The following RGS6 variants were observed in gnomAD, a reference collection of about 807,000 sequenced individuals.
RGS6 encodes the protein regulator of G-protein signaling 6.
In RGS6, 30 loss-of-function variants were observed where a neutral mutation model predicts 78.5. The observed-to-expected ratio is 0.38, with a 90% CI of 0.29 to 0.52. The LOEUF is 0.52. Among genes scored for constraint, RGS6 ranks in the 20% least tolerant of loss-of-function variants. The probability of loss-of-function intolerance (pLI) is 0.85; values close to 1 mark genes in which losing one functional copy is unlikely to be tolerated. For synonymous variants in RGS6, 206 were observed against 206.0 expected, an observed-to-expected ratio of 1.00 and a Z score of 0.00; for missense variants, 495 against 609.7, an observed-to-expected ratio of 0.81 and a Z score of 1.98.
At chr14:71,887,015 T>C in the RGS6 span, among the ~76,000 whole-genome samples, 7 of 152,106 alleles carry the variant, frequency 4.6e-5, no homozygotes, top group African/African-American at 1.7e-4. Context: ...TCAGGCATGT[T>C]GGTGGGCACC....
the RGS6 span, among the ~76,000 whole-genome samples, chr14:72,625,719 T>C: frequency 6.6e-6 from 1 of 152,240 alleles, no homozygotes; most frequent in Admixed American, 6.5e-5. Context: ...TGTACACATA[T>C]GGCTAGATAT....
intron 2 of RGS6, among the ~76,000 whole-genome samples, chr14:72,183,515 C>T (rs572023729): frequency 4.6e-5 from 7 of 152,288 alleles, no homozygotes; most frequent in African/African-American, 1.4e-4. Flanking sequence ...TGATCATTGA[C>T]TCACTGAGAA....
chr14:72,345,351 G>C (rs1404030354), intron 2 of RGS6, among the ~76,000 whole-genome samples: 1 of 152,170 alleles, frequency 6.6e-6, no homozygotes, highest in Non-Finnish European at 1.5e-5. Context: ...TTTTTTTGTT[G>C]TGGTTACTTT....
the RGS6 span, among the ~76,000 whole-genome samples, chr14:71,868,461 G>T: frequency 5.3e-5 from 8 of 152,072 alleles, no homozygotes; most frequent in Non-Finnish European, 1.2e-4. Context: ...TCCTATATGG[G>T]ATTCCTCTTC....
At chr14:71,999,748 C>CCATGAGCTCTGGTTGTTTAAAAGTGTG (rs1555425212) in intron 2 of RGS6, among the ~76,000 whole-genome samples, 47 of 152,000 alleles carry the variant, frequency 3.1e-4, no homozygotes, top group Admixed American at 6.6e-4. Flanking sequence ...TGTGAATTGC[C>CCATGAGCTCTGGTTGTTTAAAAGTGTG]TAGCTCCCCC....
intron 3 of RGS6, among the ~76,000 whole-genome samples, chr14:72,368,949 A>C (rs1253348382): frequency 6.6e-6 from 1 of 152,176 alleles, no homozygotes; most frequent in South Asian, 2.1e-4. Context: ...CAGGGTGTCT[A>C]ATCTTTTGAC....
Position 72,414,965 on chromosome 14 carries a change from G to C in RGS6, c.185-39563G>C, listed in dbSNP as rs59042247. Among the ~76,000 whole-genome samples the C allele has an allele frequency of 8.1e-3, 1,228 of 152,190 alleles. 43 individuals carry two copies. The highest frequency in any genetic ancestry group is 0.053 in the East Asian group (273 of 5,178). ...TGTGAGGTGTCAGTCTGCCCCTACTGGGGGGGTGCCTCCCAGTTAGGCTAC... is the reference window on the plus strand; with the variant it reads ...TGTGAGGTGTCAGTCTGCCCCTACTCGGGGGGTGCCTCCCAGTTAGGCTAC... On this transcript the variant is annotated intron_variant, in intron 3 of 17. Transcript: ENST00000553525.
intron 3 of RGS6, among the ~76,000 whole-genome samples, chr14:72,402,124 C>A (rs1045759530): frequency 6.6e-6 from 1 of 152,198 alleles, no homozygotes; most frequent in Non-Finnish European, 1.5e-5. Flanking sequence ...CCACGACCTC[C>A]TGGTGCTGCC....
chr14:71,930,899 C>G (rs909298199), upstream of RGS6, among the ~76,000 whole-genome samples: 7 of 141,972 alleles, frequency 4.9e-5, no homozygotes, highest in Non-Finnish European at 1.5e-5. Context: ...ATCGCTTGAA[C>G]CTGGGAGGCG....
intron 15 of RGS6, among the ~76,000 whole-genome samples, chr14:72,528,271 T>G (rs965462825): frequency 6.6e-6 from 1 of 152,248 alleles, no homozygotes; most frequent in South Asian, 2.1e-4. Context: ...CAGCTCTCAC[T>G]GTGCCTCGGA....
At chr14:72,091,428 C>G (rs1378757278) in intron 2 of RGS6, among the ~76,000 whole-genome samples, 2 of 152,140 alleles carry the variant, frequency 1.3e-5, no homozygotes, top group Non-Finnish European at 2.9e-5. Flanking sequence ...CCAGATTACC[C>G]AGCCTCCCTA....
intron 10 of RGS6, among the ~76,000 whole-genome samples, chr14:72,475,519 C>T (rs558769275): frequency 2.0e-5 from 3 of 152,176 alleles, no homozygotes; most frequent in South Asian, 4.2e-4. Context: ...CACCTGAGGT[C>T]GGGAGTTCAA....
chr14:72,568,440 GC>G (rs771210645), downstream of RGS6, among the ~76,000 whole-genome samples: 4 of 152,164 alleles, frequency 2.6e-5, no homozygotes, highest in Non-Finnish European at 4.4e-5. Flanking sequence ...TGGCAGCCTG[GC>G]CCCTGAGAGC....
At chr14:72,102,901 G>C (rs547125983) in intron 2 of RGS6, among the ~76,000 whole-genome samples, 1 of 152,098 alleles carries the variant, frequency 6.6e-6, no homozygotes, top group Non-Finnish European at 1.5e-5. Flanking sequence ...CTCAGGGTTC[G>C]TGATTTAATG....
chr14:72,614,202 AC>A, the RGS6 span, among the ~76,000 whole-genome samples: 1 of 151,926 alleles, frequency 6.6e-6, no homozygotes, highest in Non-Finnish European at 1.5e-5. Flanking sequence ...GGGAGCCCCA[AC>A]CCCCAGACAG....
At chr14:72,064,498 A>G (rs1474283887) in intron 2 of RGS6, among the ~76,000 whole-genome samples, 1 of 152,226 alleles carries the variant, frequency 6.6e-6, no homozygotes, top group Non-Finnish European at 1.5e-5. Flanking sequence ...GGGTATTCAC[A>G]CTGATATTCT....
intron 2 of RGS6, among the ~76,000 whole-genome samples, chr14:72,182,030 T>C (rs1322358753): frequency 6.6e-6 from 1 of 152,226 alleles, no homozygotes; most frequent in Non-Finnish European, 1.5e-5. Context: ...TCAGTTTGGA[T>C]TTTCACCACA....
intron 2 of RGS6, among the ~76,000 whole-genome samples, chr14:72,336,129 A>G (rs77031552): frequency 0.022 from 3,303 of 152,258 alleles, 139 homozygotes; most frequent in African/African-American, 0.074. Context: ...AGTATCTTCT[A>G]TTTGGGCTAC....
intron 16 of RGS6, among the ~76,000 whole-genome samples, chr14:72,538,219 C>T (rs377178453): frequency 1.4e-4 from 22 of 152,242 alleles, no homozygotes; most frequent in East Asian, 3.9e-4. Context: ...ATTTCAGGGA[C>T]GGGTTCACCG....
Sources: allele counts gnomAD v4.1 joint callset (sites outside exome capture counted in the v4.1 genomes callset), GRCh38; gene constraint gnomAD v4.1.1; transcripts MANE v1.5; gene names NCBI Gene and HGNC (gene_info 2026-07-23, HGNC 2026-07-21).